CC2D2A: variants seen among roughly 807,000 people sequenced by gnomAD.
The protein encoded by CC2D2A is coiled-coil and C2 domain containing 2A, also known as coiled-coil and C2 domain-containing protein 2A.
In CC2D2A, 155 loss-of-function variants were observed where a neutral mutation model predicts 212.9. The ratio of observed to expected loss-of-function variants is 0.73; its 90% CI spans 0.64 to 0.83. The LOEUF (loss-of-function observed/expected upper bound fraction) is 0.83. CC2D2A is among the 40% of genes least tolerant of loss of function. The probability of loss-of-function intolerance (pLI) is 0.00; values close to 1 mark genes in which losing one functional copy is unlikely to be tolerated. For missense variants in CC2D2A, 1,856 were observed against 1,956.2 expected (o/e 0.95, Z 0.97); for synonymous variants, 667 against 686.5 (o/e 0.97, Z 0.44).
chr4:15,524,576 A>G (rs943332211), intron 11 of CC2D2A, among the ~76,000 whole-genome samples: 4 of 147,482 alleles, frequency 2.7e-5, no homozygotes, highest in East Asian at 2.0e-4. Context: ...TCAGCCTCCC[A>G]AGTAGCTGGG....
Position 15,510,259 on chromosome 4 carries a change from T to A in CC2D2A, c.540+19T>A. ...ACCCCAGGTGAGAAATCTTGTTTTT[T>A]AAAATCATTTGTTTGTTTGTGTTTT... On this transcript the variant is annotated intron_variant, in intron 7 of 36. Coordinates refer to ENST00000424120, the MANE Select transcript of CC2D2A (RefSeq NM_001378615.1). 1 of 1,591,542 alleles carries A rather than the reference T, an allele frequency of 6.3e-7. No homozygotes were observed. The highest frequency in any genetic ancestry group is 8.6e-7 in the Non-Finnish European group (1 of 1,162,626).
intron 36 of CC2D2A, 49 bp downstream of exon 36, chr4:15,599,755 A>C: frequency 7.0e-7 from 1 of 1,420,466 alleles, no homozygotes. Context: ...CTTGTTTCAA[A>C]TTGGAAATTA....
At chr4:15,514,602 A>G in intron 8 of CC2D2A, 105 bp from the exon 9 acceptor site, 4 of 855,502 alleles carry the variant, frequency 4.7e-6, no homozygotes, top group Middle Eastern at 2.9e-4. Context: ...AGGAAAAGAT[A>G]AAGTTGTAGG....
chr4:15,476,975 T>C (rs1378964563), intron 2 of CC2D2A, among the ~76,000 whole-genome samples: 1 of 152,220 alleles, frequency 6.6e-6, no homozygotes, highest in Non-Finnish European at 1.5e-5. Flanking sequence ...CCAAAAAGCC[T>C]GAGGAAACTC....
In CC2D2A at chr4:15,537,943, C is replaced by T. The variant is rs778968413; in HGVS notation, c.1809C>T (p.Pro603=). Residue 603 remains proline, a synonymous_variant, in exon 16 of 37, where the codon CCC becomes CCT. Coordinates refer to ENST00000424120, the MANE Select transcript of CC2D2A (RefSeq NM_001378615.1). ...KKRKQAAEEH[P]GDEIAEPYPE... ...GGAAACAAGCAGCAGAAGAACATCC[C>T]GGTGATGAGATTGCAGAGCCGTATC... is the stretch of plus-strand genomic sequence containing the variant. 2.7e-5 allele frequency: 44 copies of T among 1,608,902 alleles called. No homozygotes were observed. Among genetic ancestry groups the T allele is most frequent in the Admixed American group, 5.1e-5 (3 of 59,384 alleles).
At chr4:15,588,717 A>C (rs1041278392) in intron 32 of CC2D2A, among the ~76,000 whole-genome samples, 2 of 152,088 alleles carry the variant, frequency 1.3e-5, no homozygotes, top group African/African-American at 4.8e-5. Context: ...GGAAGTTATA[A>C]GGCTGAAGTT....
At chr4:15,478,253 A>G (rs1714368369) in intron 2 of CC2D2A, among the ~76,000 whole-genome samples, 2 of 152,388 alleles carry the variant, frequency 1.3e-5, no homozygotes, top group South Asian at 4.1e-4. Context: ...TGTAACATGT[A>G]TCATTATTAT....
intron 4 of CC2D2A, among the ~76,000 whole-genome samples, chr4:15,482,903 AT>A: frequency 6.6e-6 from 1 of 152,182 alleles, no homozygotes; most frequent in Admixed American, 6.5e-5. Context: ...AAAAAGCGCT[AT>A]TTCTGAATTG....
Position 15,557,455 on chromosome 4 carries a change from A to G in CC2D2A, c.2777A>G (p.Asn926Ser). The G allele has an allele frequency of 1.9e-6, 3 of 1,612,792 alleles. No homozygotes were observed. The highest frequency in any genetic ancestry group is 2.5e-6 in the Non-Finnish European group (3 of 1,179,448). The part of the protein sequence containing the change: ...LRSQEVPEFR[N>S]YKQVPVYDRE... ...AGCCAAGAGGTGCCAGAATTCCGAA[A>G]TTATAAGCAAGTTCCAGTCTATGAC... Residue 926 changes from asparagine (N) to serine (S), a missense_variant, in exon 21 of 37, where the codon AAT (asparagine) becomes AGT (serine). By Grantham distance (46) the Asn-to-Ser change is conservative. Transcript: ENST00000424120.
intron 33 of CC2D2A, among the ~76,000 whole-genome samples, chr4:15,595,696 C>A (rs112951699): frequency 6.6e-6 from 1 of 152,288 alleles, no homozygotes; most frequent in East Asian, 1.9e-4. Flanking sequence ...TCAGAGAATG[C>A]GCATTGCTGT....
At chr4:15,580,245 C>A in intron 30 of CC2D2A, 74 bp downstream of exon 30, 2 of 1,073,100 alleles carry the variant, frequency 1.9e-6, no homozygotes, top group South Asian at 1.4e-5. Context: ...TTTTAATTAC[C>A]ATATTTCATA....
At chr4:15,595,301 T>C (rs1721271299) in intron 33 of CC2D2A, among the ~76,000 whole-genome samples, 1 of 152,158 alleles carries the variant, frequency 6.6e-6, no homozygotes, top group African/African-American at 2.4e-5. Flanking sequence ...CTATGCTAGG[T>C]GCTAAAGATA....
Position 15,472,284 on chromosome 4 carries a change from T to C in CC2D2A, c.-19+2227T>C, listed in dbSNP as rs79169186. 3.5e-3 allele frequency among the ~76,000 whole-genome samples: 537 copies of C among 152,314 alleles called. 2 individuals are homozygous for C. The highest frequency in any genetic ancestry group is 5.5e-3 in the Non-Finnish European group (372 of 68,032). On this transcript the variant is annotated intron_variant, in intron 1 of 36. Transcript: ENST00000424120. ...ACATACTACTAAGCCAGACATGTTA[T>C]TGTGAGGACTAAAGAGAACATGTCT...
In CC2D2A at chr4:15,505,612, C is replaced by T. The variant is rs1716214189; in HGVS notation, c.438+2689C>T. Among the ~76,000 whole-genome samples, 2 of 152,168 alleles carry T rather than the reference C, an allele frequency of 1.3e-5. 1 individual carries two copies. The highest frequency in any genetic ancestry group is 4.1e-4 in the South Asian group (2 of 4,824). On this transcript the variant is annotated intron_variant, in intron 6 of 36. Coordinates refer to ENST00000424120, the MANE Select transcript of CC2D2A (RefSeq NM_001378615.1). ...GCTCTGTGGTGGGTGCTGTTAGCAG[C>T]CCACCAGAATGGCACCTCGTCCCAG...
chr4:15,574,140 T>G lies in CC2D2A; in HGVS notation c.3595-10T>G. On this transcript the variant is annotated splice_polypyrimidine_tract_variant and intron_variant, in intron 28 of 36. Coordinates refer to ENST00000424120, the MANE Select transcript of CC2D2A (RefSeq NM_001378615.1). Reference sequence around the variant, plus strand: ...ATCAGGATGTTTACCAAGTCATATTTTCTTCACAGATTGATGGAACATTTA... The same window carrying G: ...ATCAGGATGTTTACCAAGTCATATTGTCTTCACAGATTGATGGAACATTTA... 6.5e-7 allele frequency: 1 copy of G among 1,533,872 alleles called. No homozygotes were observed. The highest frequency in any genetic ancestry group is 8.8e-7 in the Non-Finnish European group (1 of 1,136,842).
Position 15,516,648 on chromosome 4 carries a change from C to A in CC2D2A, c.1041C>A (p.Asp347Glu). ...AGGAAAGAAGATGGTTTGGAGATGA[C>A]GGCAGGATCCTAGCTCTGCCAAACC... ...QDPERRWFGD[D>E]GRILALPNPI... is the part of the protein sequence containing the mutation. The change falls in exon 11 of 37, where the codon GAC becomes GAA. Residue 347 changes from aspartate (D) to glutamate (E), a missense_variant. This residue lies in a region of CC2D2A where 1,512 missense variants were observed against 1,579.3 expected (regional missense o/e 0.96). Coordinates refer to ENST00000424120, the MANE Select transcript of CC2D2A (RefSeq NM_001378615.1). 1 of 1,612,664 alleles carries A rather than the reference C, an allele frequency of 6.2e-7. No individual in the cohort carries two copies. The highest frequency in any genetic ancestry group is 8.5e-7 in the Non-Finnish European group (1 of 1,179,102).
chr4:15,492,508 GTTT>G (rs1715362062), intron 4 of CC2D2A, among the ~76,000 whole-genome samples: 2 of 148,542 alleles, frequency 1.3e-5, no homozygotes, highest in Admixed American at 1.3e-4. Context: ...TTGTTTGTTT[GTTT>G]GGTTTTTTTT....
chr4:15,477,942 C>CA lies in CC2D2A; in HGVS notation c.40-774dup, dbSNP rs555027288. On this transcript the variant is annotated intron_variant, in intron 2 of 36. Transcript: ENST00000424120. ...TTCCGAATTTGTTTCAGTATAAAAA[C>CA]AAAAAAATCCTAATTTTAGGAAAAA... Among the ~76,000 whole-genome samples, 262 of 151,908 alleles carry CA rather than the reference C, an allele frequency of 1.7e-3. 1 individual carries two copies. The highest frequency in any genetic ancestry group is 6.0e-3 in the African/African-American group (249 of 41,388).
intron 29 of CC2D2A, among the ~76,000 whole-genome samples, chr4:15,577,375 T>C (rs1720461078): frequency 6.6e-6 from 1 of 152,214 alleles, no homozygotes; most frequent in Non-Finnish European, 1.5e-5. Flanking sequence ...ATTGAGCCAG[T>C]CAAGAACCTT....
Sources: gnomAD v4.1 joint callset for allele counts (sites outside exome capture counted in the v4.1 genomes callset) on GRCh38, gnomAD v4.1.1 for gene constraint, gnomAD v4.1.1 regional missense constraint, MANE v1.5 for transcripts, NCBI Gene and HGNC (gene_info 2026-07-23, HGNC 2026-07-21) for gene names.